The following PARP11 variants were observed in gnomAD, a reference collection of about 807,000 sequenced individuals.
The protein encoded by PARP11 is poly(ADP-ribose) polymerase family member 11.
Under a neutral mutation model 42.9 loss-of-function variants are expected in PARP11, and 31 were observed. The observed-to-expected ratio is 0.72, with a 90% CI of 0.54 to 0.98. PARP11 has a LOEUF of 0.98. Ranked by LOEUF, PARP11 falls within the 50% of genes least tolerant of loss-of-function variation. PARP11 has a pLI of 0.00. For synonymous variants in PARP11, 137 were observed against 127.3 expected, an observed-to-expected ratio of 1.08 and a Z score of -0.51; for missense variants, 365 against 413.1, an observed-to-expected ratio of 0.88 and a Z score of 1.01.
chr12:3,846,951 C>T (rs1236188254), intron 1 of PARP11, among the ~76,000 whole-genome samples: 2 of 151,730 alleles, frequency 1.3e-5, no homozygotes, highest in Non-Finnish European at 2.9e-5. Flanking sequence ...TGGGCACGTG[C>T]CTGTGGTCCC....
At chr12:3,857,804 A>G (rs887968784) in intron 1 of PARP11, among the ~76,000 whole-genome samples, 1 of 152,198 alleles carries the variant, frequency 6.6e-6, no homozygotes, top group Admixed American at 6.5e-5. Flanking sequence ...TGAAATTCCC[A>G]TAAAAAATAA....
intron 1 of PARP11, chr12:3,839,392 A>C: frequency 6.4e-7 from 1 of 1,558,566 alleles, no homozygotes; most frequent in Non-Finnish European, 8.7e-7. Flanking sequence ...CTATCTGCGG[A>C]AACTGGGCTT....
At chr12:3,864,323 T>C (rs1044188551) in intron 1 of PARP11, among the ~76,000 whole-genome samples, 3 of 152,170 alleles carry the variant, frequency 2.0e-5, no homozygotes, top group African/African-American at 7.2e-5. Flanking sequence ...ATATGTTAGA[T>C]TTGAGTTGCT....
intron 1 of PARP11, among the ~76,000 whole-genome samples, chr12:3,868,770 C>G: frequency 6.6e-6 from 1 of 152,160 alleles, no homozygotes; most frequent in East Asian, 1.9e-4. Flanking sequence ...TCGTCTCTAC[C>G]CTGGACTACA....
At chr12:3,823,228 T>C (rs1254226516) in intron 4 of PARP11, among the ~76,000 whole-genome samples, 1 of 152,230 alleles carries the variant, frequency 6.6e-6, no homozygotes. Flanking sequence ...TGAAGAAATA[T>C]ACAGTGAGAA....
At chr12:3,838,509 AAAAAG>A (rs1477242270) in intron 1 of PARP11, among the ~76,000 whole-genome samples, 1 of 152,208 alleles carries the variant, frequency 6.6e-6, no homozygotes, top group Non-Finnish European at 1.5e-5. Context: ...ACACTTCTAA[AAAAAG>A]AAAACAACAA....
intron 1 of PARP11, among the ~76,000 whole-genome samples, chr12:3,864,973 G>T (rs1948364810): frequency 6.6e-6 from 1 of 152,008 alleles, no homozygotes; most frequent in South Asian, 2.1e-4. Flanking sequence ...TGTGATTATT[G>T]ATTTGTAACA....
At chr12:3,843,292 C>T (rs1947931377) in intron 1 of PARP11, among the ~76,000 whole-genome samples, 1 of 152,082 alleles carries the variant, frequency 6.6e-6, no homozygotes, top group Non-Finnish European at 1.5e-5. Context: ...GGTGCCTACT[C>T]GAAAGAAATG....
chr12:3,857,471 A>G (rs1948214537), intron 1 of PARP11, among the ~76,000 whole-genome samples: 1 of 152,170 alleles, frequency 6.6e-6, no homozygotes, highest in Admixed American at 6.5e-5. Flanking sequence ...AAAGACACCA[A>G]TTACAGCTGC....
chr12:3,852,519 A>G (rs1272714974), intron 1 of PARP11, among the ~76,000 whole-genome samples: 1 of 152,238 alleles, frequency 6.6e-6, no homozygotes, highest in East Asian at 1.9e-4. Flanking sequence ...GATTCAATCA[A>G]GTGGAAGAAA....
chr12:3,812,622 T>C (rs555834267), intron 7 of PARP11, among the ~76,000 whole-genome samples, 183 bp from the exon 8 acceptor site: 5 of 152,338 alleles, frequency 3.3e-5, no homozygotes, highest in South Asian at 2.1e-4. Flanking sequence ...AGCTGTAGTA[T>C]AGACTGCCAT....
chr12:3,862,270 T>C (rs947346225), intron 1 of PARP11, among the ~76,000 whole-genome samples: 2 of 151,928 alleles, frequency 1.3e-5, no homozygotes, highest in Non-Finnish European at 2.9e-5. Flanking sequence ...CTGGGGAACA[T>C]AGCAAAACCC....
chr12:3,865,232 C>A (rs1948370252), intron 1 of PARP11, among the ~76,000 whole-genome samples: 1 of 152,116 alleles, frequency 6.6e-6, no homozygotes, highest in East Asian at 1.9e-4. Context: ...GACTTCAATT[C>A]TTTCAAATGT....
chr12:3,873,124 C>T, intron 1 of PARP11, 88 bp downstream of exon 1: 1 of 1,233,816 alleles, frequency 8.1e-7, no homozygotes, highest in Non-Finnish European at 1.2e-6. Context: ...CTGAAGCGAG[C>T]GCGGGGAAGC....
chr12:3,835,250 T>C (rs144932714), intron 1 of PARP11, among the ~76,000 whole-genome samples: 1 of 152,316 alleles, frequency 6.6e-6, no homozygotes, highest in Non-Finnish European at 1.5e-5. Context: ...GTACATAGTC[T>C]ATGCCAATCC....
intron 1 of PARP11, among the ~76,000 whole-genome samples, chr12:3,860,192 C>T (rs1294858872): frequency 6.6e-6 from 1 of 151,966 alleles, no homozygotes; most frequent in African/African-American, 2.4e-5. Flanking sequence ...GGATGTGGAC[C>T]GCCCCAGCAG....
rs971398519 is a variant in PARP11 at position 3,811,742 on chromosome 12, AT to A, written c.*380del. ...TCTAAAGGGACACATTTATGTCTGT[AT>A]TTTTTTTCAACATTTATACGAATAA... On this transcript the variant is annotated 3_prime_UTR_variant, in exon 8 of 8. Transcript: ENST00000228820. 14 of 169,064 alleles carry A rather than the reference AT, an allele frequency of 8.3e-5. No homozygotes were observed. The highest frequency in any genetic ancestry group is 2.1e-4 in the African/African-American group (9 of 42,066). The allele number at this position is 169,064 out of a possible 1,614,324, so 10.5% of individuals were successfully genotyped here.
Position 3,840,621 on chromosome 12 carries a change from C to A in PARP11, c.19-10603G>T. On this transcript the variant is annotated intron_variant, in intron 1 of 7. Coordinates refer to ENST00000228820, the MANE Select transcript of PARP11 (RefSeq NM_020367.6). The surrounding 1 kb of genome is among the most constrained non-coding windows in gnomAD (Gnocchi z 4.4). ...CAAGTCGAGAATCTAACTATTGCTACTTCTCAGAGTAGCAATCCATGTGTC... is the reference window on the plus strand; with the variant it reads ...CAAGTCGAGAATCTAACTATTGCTAATTCTCAGAGTAGCAATCCATGTGTC... The A allele has an allele frequency of 1.6e-6, 2 of 1,266,290 alleles. No homozygotes were observed. Among genetic ancestry groups the A allele is most frequent in the Non-Finnish European group, 2.3e-6 (2 of 862,768 alleles). 78.4% of individuals were successfully genotyped at this position (1,266,290 alleles called of 1,614,324 possible). A position where few individuals can be genotyped will look rare whatever the true frequency, so the allele number is the denominator to read the frequency against.
At chr12:3,866,519 C>A (rs56942603) in intron 1 of PARP11, among the ~76,000 whole-genome samples, 2 of 152,040 alleles carry the variant, frequency 1.3e-5, no homozygotes, top group Non-Finnish European at 2.9e-5. Flanking sequence ...ATAATTTGTA[C>A]GAAAATCACT....
Sources: allele counts gnomAD v4.1 joint callset (sites outside exome capture counted in the v4.1 genomes callset), GRCh38; gene constraint gnomAD v4.1.1; non-coding constraint Gnocchi (gnomAD v3.1); transcripts MANE v1.5; gene names NCBI Gene and HGNC (gene_info 2026-07-23, HGNC 2026-07-21).